Variants in DIAPH1 observed in about 807,000 individuals in gnomAD.
DIAPH1 encodes the protein protein diaphanous homolog 1.
DIAPH1 carries 46 observed loss-of-function variants against 140.7 expected under a neutral mutation model. The observed-to-expected ratio is 0.33, with a 90% CI of 0.26 to 0.42. The LOEUF (loss-of-function observed/expected upper bound fraction) is 0.42, where lower values mean the gene tolerates loss of function less well. Among genes scored for constraint, DIAPH1 ranks in the 10% least tolerant of loss-of-function variants. The pLI, the probability that DIAPH1 is intolerant of heterozygous loss-of-function variation, is 1.00. For missense variants in DIAPH1, 1,310 were observed against 1,558.7 expected, an observed-to-expected ratio of 0.84 and a Z score of 2.69; for synonymous variants, 565 against 551.6, an observed-to-expected ratio of 1.02 and a Z score of -0.34.
At chr5:141,566,398 G>A (rs1596372463) in intron 18 of DIAPH1, among the ~76,000 whole-genome samples, 1 of 152,306 alleles carries the variant, frequency 6.6e-6, no homozygotes, top group Non-Finnish European at 1.5e-5. Context: ...TGAGAAATGA[G>A]GAGTAACACG....
rs774337037 is a variant in DIAPH1, at chr5:141,579,086, G to A, written c.933+2C>T. The A allele has an allele frequency of 6.2e-7, 1 of 1,608,334 alleles. No individual in the cohort carries two copies. Among genetic ancestry groups the A allele is most frequent in the South Asian group, 1.1e-5 (1 of 90,972 alleles). ...GGGCCCAGTTTCAGGGGATATACAT[G>A]CCTTCAGTGCAATAGTGGTTCCACT... On this transcript the variant is annotated splice_donor_variant, in intron 9 of 27. Coordinates refer to ENST00000389054, the MANE Select transcript of DIAPH1 (RefSeq NM_005219.5). LOFTEE classifies it low-confidence loss of function (GC_TO_GT_DONOR).
rs1472753124 is a variant in DIAPH1 at position 141,573,619 on chromosome 5, C to T, written c.2231G>A (p.Gly744Glu). 1 of 1,613,524 alleles carries T rather than the reference C, an allele frequency of 6.2e-7. No individual in the cohort carries two copies. The highest frequency in any genetic ancestry group is 1.1e-5 in the South Asian group (1 of 91,044). The change falls in exon 16 of 28, where the codon GGA becomes GAA. Residue 744 changes from glycine to glutamate, a missense_variant. Around this residue, in one of 3 missense-constraint regions of DIAPH1, gnomAD observed 589 missense variants for 549.3 expected, o/e 1.07. Coordinates refer to ENST00000389054, the MANE Select transcript of DIAPH1 (RefSeq NM_005219.5). ...TGGGGGAGGTGGAGGCATACCCATT[C>T]CGGGTGGAGGTGGAGGAATGCCAGG... ...GGPGIPPPPPGMGMPPPPPFG... is the reference protein window; with the variant it reads ...GGPGIPPPPPEMGMPPPPPFG...
intron 18 of DIAPH1, among the ~76,000 whole-genome samples, chr5:141,568,561 G>T (rs1193926247): frequency 6.6e-6 from 1 of 152,086 alleles, no homozygotes; most frequent in Non-Finnish European, 1.5e-5. Flanking sequence ...AAAGAATCTG[G>T]AGTATAATAT....
chr5:141,578,070 C>T (rs375279820), intron 11 of DIAPH1, 155 bp downstream of exon 11: 11 of 739,702 alleles, frequency 1.5e-5, no homozygotes, highest in East Asian at 2.5e-5. Flanking sequence ...GTAAAGCCAG[C>T]GCAATAAAAA....
chr5:141,584,205 C>G lies in DIAPH1; in HGVS notation c.321G>C (p.Glu107Asp). 6.2e-7 allele frequency: 1 copy of G among 1,611,962 alleles called. No individual in the cohort carries two copies. The highest frequency in any genetic ancestry group is 8.5e-7 in the Non-Finnish European group (1 of 1,178,234). The part of the protein sequence containing the change: ...EQMLLDMNLN[E>D]EKQQPLREKD... ...TCTCCCTCAAAGGTTGCTGTTTCTC[C>G]TCATTCAGGTTCATATCCAGCTAGG... The change falls in exon 4 of 28, where the codon GAG becomes GAC. Residue 107 changes from glutamate (E) to aspartate (D), a missense_variant. Transcript: ENST00000389054.
chr5:141,574,345 A>G (rs1169661056), intron 15 of DIAPH1, 137 bp from the exon 16 acceptor site: 1 of 859,738 alleles, frequency 1.2e-6, no homozygotes, highest in Non-Finnish European at 1.8e-6. Context: ...GAGAGATGAC[A>G]TGATCACCTA....
intron 24 of DIAPH1, 110 bp from the exon 25 acceptor site, chr5:141,526,571 C>T (rs2099887355): frequency 2.2e-6 from 3 of 1,344,882 alleles, no homozygotes; most frequent in African/African-American, 2.9e-5. Flanking sequence ...ATGTTCAATA[C>T]AGCACTGTTT....
intron 16 of DIAPH1, among the ~76,000 whole-genome samples, chr5:141,572,885 T>C (rs1199215095): frequency 6.6e-6 from 1 of 152,134 alleles, no homozygotes; most frequent in African/African-American, 2.4e-5. Context: ...TGCAGACTGG[T>C]GAATGACTAT....
rs777132588 is a variant in DIAPH1 at position 141,534,421 on chromosome 5, T to C, written c.2495A>G (p.Gln832Arg). The change falls in exon 19 of 28, where the codon CAA becomes CGA. Residue 832 changes from glutamine (Q) to arginine (R), a missense_variant. Gln to Arg is a conservative substitution (Grantham distance 43). Around this residue, in one of 3 missense-constraint regions of DIAPH1, gnomAD observed 589 missense variants for 549.3 expected, o/e 1.07. Transcript: ENST00000389054. The stretch of plus-strand genomic sequence containing the variant: ...AGATTTCTTTTCTTCTCCACCTTCT[T>C]GATCCTTCTTGGCTAGCAGGGAAAA... ...QTKTSKAKKD[Q>R]EGGEEKKSVQ... 5 of 1,613,432 alleles carry C rather than the reference T, an allele frequency of 3.1e-6. No individual in the cohort carries two copies. Among genetic ancestry groups the C allele is most frequent in the Non-Finnish European group, 3.4e-6 (4 of 1,179,886 alleles).
chr5:141,540,231 C>G (rs1030309861), intron 18 of DIAPH1, among the ~76,000 whole-genome samples: 1 of 152,034 alleles, frequency 6.6e-6, no homozygotes, highest in Non-Finnish European at 1.5e-5. Flanking sequence ...ATCCTCCTGT[C>G]TCAGCCTCCT....
At chr5:141,581,509 A>AT (rs1348411540) in intron 7 of DIAPH1, among the ~76,000 whole-genome samples, 1 of 152,190 alleles carries the variant, frequency 6.6e-6, no homozygotes, top group Non-Finnish European at 1.5e-5. Context: ...AAAGTCTTTG[A>AT]TTTATATGTT....
At chr5:141,543,842 T>C (rs1234145649) in intron 18 of DIAPH1, among the ~76,000 whole-genome samples, 1 of 152,204 alleles carries the variant, frequency 6.6e-6, no homozygotes, top group Non-Finnish European at 1.5e-5. Context: ...ATATGTGAAT[T>C]ATATGTCAAT....
intron 7 of DIAPH1, 39 bp from the exon 8 acceptor site, chr5:141,580,922 G>C (rs371632999): frequency 6.2e-7 from 1 of 1,613,806 alleles, no homozygotes; most frequent in African/African-American, 1.3e-5. Flanking sequence ...GCTGAAAGAC[G>C]AAAGCATCTA....
chr5:141,546,873 T>C (rs933379032), intron 18 of DIAPH1, among the ~76,000 whole-genome samples: 1 of 152,220 alleles, frequency 6.6e-6, no homozygotes, highest in African/African-American at 2.4e-5. Context: ...CCTCTACTAT[T>C]ATCTGTCTAG....
chr5:141,543,744 G>T (rs926682657), intron 18 of DIAPH1, among the ~76,000 whole-genome samples: 1 of 152,088 alleles, frequency 6.6e-6, no homozygotes, highest in Non-Finnish European at 1.5e-5. Context: ...ACTCACAATG[G>T]CTTTCAGGAC....
chr5:141,617,477 T>C (rs1282349519), intron 1 of DIAPH1, among the ~76,000 whole-genome samples: 1 of 152,176 alleles, frequency 6.6e-6, no homozygotes, highest in Non-Finnish European at 1.5e-5. Flanking sequence ...CTCAACCCTC[T>C]AGGTCATAAA....
At position 141,531,745 on chromosome 5, in the gene DIAPH1, C is replaced by G. The variant is rs183326538; in HGVS notation, c.2582-2048G>C. Among the ~76,000 whole-genome samples the G allele has an allele frequency of 8.5e-5, 13 of 152,274 alleles. No homozygotes were observed. In the East Asian group the frequency reaches 2.5e-3, roughly 29 times the overall value. On this transcript the variant is annotated intron_variant, in intron 19 of 27. Coordinates refer to ENST00000389054, the MANE Select transcript of DIAPH1 (RefSeq NM_005219.5). ...TCCAGTGATCCACCTGCCTCAGCCT[C>G]CCAAAGTGCTGGGATTACAGCCATG... is the stretch of plus-strand genomic sequence containing the variant.
chr5:141,532,214 C>T (rs1241012382), intron 19 of DIAPH1, among the ~76,000 whole-genome samples: 1 of 152,100 alleles, frequency 6.6e-6, no homozygotes, highest in Non-Finnish European at 1.5e-5. Context: ...CTCTGTTGCC[C>T]AGGCTGCAGT....
At chr5:141,582,397 A>G in intron 6 of DIAPH1, 22 bp from the exon 7 acceptor site, 1 of 1,570,918 alleles carries the variant, frequency 6.4e-7, no homozygotes, top group Non-Finnish European at 8.8e-7. Context: ...AGACATAATC[A>G]GTGAGGTCCC....
Sources: allele counts gnomAD v4.1 joint callset (sites outside exome capture counted in the v4.1 genomes callset), GRCh38; gene constraint gnomAD v4.1.1; regional missense constraint gnomAD v4.1.1; transcripts MANE v1.5; gene names NCBI Gene and HGNC (gene_info 2026-07-23, HGNC 2026-07-21).